Variants in SEC23IP observed in about 807,000 individuals in gnomAD.
The protein encoded by SEC23IP is SEC23-interacting protein.
SEC23IP carries 70 observed loss-of-function variants against 113.4 expected under a neutral mutation model. The observed-to-expected ratio is 0.62, with a 90% CI of 0.51 to 0.75. The LOEUF (loss-of-function observed/expected upper bound fraction) is 0.75, where lower values mean the gene tolerates loss of function less well. Ranked by LOEUF, SEC23IP falls within the 30% of genes least tolerant of loss-of-function variation. The probability of loss-of-function intolerance (pLI) is 0.00; values close to 1 mark genes in which losing one functional copy is unlikely to be tolerated. For missense variants in SEC23IP, 1,160 were observed against 1,204.9 expected, an observed-to-expected ratio of 0.96 and a Z score of 0.55; for synonymous variants, 398 against 421.0, an observed-to-expected ratio of 0.95 and a Z score of 0.67.
At chr10:119,924,426 CT>C (rs35657557) in intron 12 of SEC23IP, among the ~76,000 whole-genome samples, 204 of 146,310 alleles carry the variant, frequency 1.4e-3, no homozygotes, top group African/African-American at 2.3e-3. Context: ...GAGATAACAC[CT>C]TTTTTTTTTT....
At chr10:119,901,048 G>C (rs533719617) in intron 2 of SEC23IP, among the ~76,000 whole-genome samples, 2 of 144,490 alleles carry the variant, frequency 1.4e-5, no homozygotes, top group African/African-American at 5.1e-5. Flanking sequence ...AAAGAGTGGG[G>C]GGGGGGTCTT....
intron 4 of SEC23IP, 112 bp downstream of exon 4, chr10:119,904,389 T>G (rs1397979096): frequency 5.7e-6 from 5 of 880,158 alleles, no homozygotes; most frequent in Non-Finnish European, 9.1e-6. Context: ...ACAGCTTGTT[T>G]TGATGCTGTT....
chr10:119,922,810 A>G (rs1459144713), intron 12 of SEC23IP, among the ~76,000 whole-genome samples: 1 of 152,162 alleles, frequency 6.6e-6, no homozygotes, highest in Non-Finnish European at 1.5e-5. Context: ...TCCAATTTAC[A>G]AAGAGCTTTT....
intron 15 of SEC23IP, among the ~76,000 whole-genome samples, chr10:119,930,670 G>A (rs546499202): frequency 3.3e-5 from 5 of 152,248 alleles, no homozygotes; most frequent in South Asian, 2.1e-4. Flanking sequence ...TGGTAATAAG[G>A]CAATAAGATG....
chr10:119,930,363 T>C lies in SEC23IP; in HGVS notation c.2504T>C (p.Ile835Thr). 6.2e-7 allele frequency: 1 copy of C among 1,610,262 alleles called. No individual in the cohort carries two copies. The highest frequency in any genetic ancestry group is 8.5e-7 in the Non-Finnish European group (1 of 1,176,992). The change falls in exon 15 of 19, where the codon ATT becomes ACT. Residue 835 changes from isoleucine to threonine, a missense_variant. Ile to Thr is a moderately conservative substitution (Grantham distance 89). Coordinates refer to ENST00000369075, the MANE Select transcript of SEC23IP (RefSeq NM_007190.4). ...GTGGCATATAGATTAGAACCTATGA[T>C]TGTTCCAGATTTGGACCTAAAAGCT... ...DPVAYRLEPM[I>T]VPDLDLKAVL...
intron 6 of SEC23IP, among the ~76,000 whole-genome samples, chr10:119,913,369 G>A (rs886231827): frequency 1.3e-5 from 2 of 152,172 alleles, no homozygotes; most frequent in Non-Finnish European, 2.9e-5. Context: ...TTCTGTAAAG[G>A]GCCAGATAGC....
chr10:119,914,583 T>C (rs1265479168), intron 6 of SEC23IP, 147 bp from the exon 7 acceptor site: 9 of 644,976 alleles, frequency 1.4e-5, no homozygotes. Flanking sequence ...TCTAATTTGA[T>C]AGGGGTAATG....
At chr10:119,929,946 A>T (rs1265278106) in intron 14 of SEC23IP, among the ~76,000 whole-genome samples, 184 bp downstream of exon 14, 1 of 152,136 alleles carries the variant, frequency 6.6e-6, no homozygotes, top group Non-Finnish European at 1.5e-5. Flanking sequence ...ACTGTGCCTG[A>T]CCTTTTACTT....
At chr10:119,899,633 C>T (rs7099055) in intron 2 of SEC23IP, among the ~76,000 whole-genome samples, 2,786 of 152,232 alleles carry the variant, frequency 0.018, 72 homozygotes, top group African/African-American at 0.062. Flanking sequence ...AGAATGGACT[C>T]TGTTTTATCA....
chr10:119,898,227 T>C, intron 1 of SEC23IP, 200 bp from the exon 2 acceptor site: 1 of 969,360 alleles, frequency 1.0e-6, no homozygotes, highest in Non-Finnish European at 1.4e-6. Context: ...TTATGTTTTC[T>C]TATTCATGTT....
At chr10:119,923,453 CT>C (rs5788371) in intron 12 of SEC23IP, among the ~76,000 whole-genome samples, 1 of 149,866 alleles carries the variant, frequency 6.7e-6, no homozygotes, top group Non-Finnish European at 1.5e-5. Flanking sequence ...TGACTGTGTG[CT>C]TTTTTTTTCT....
rs749904301 is a variant in SEC23IP at position 119,915,759 on chromosome 10, A to G, written c.1414A>G (p.Arg472Gly). The G allele has an allele frequency of 1.4e-5, 22 of 1,565,722 alleles. No homozygotes were observed. The highest frequency in any genetic ancestry group is 1.8e-5 in the Non-Finnish European group (21 of 1,157,428). The change falls in exon 8 of 19, where the codon AGG (arginine) becomes GGG (glycine). Residue 472 changes from arginine (R) to glycine (G), a missense_variant. Transcript: ENST00000369075. ...TTTTTCTTTTGAAGTGGATGATTTT[A>G]GGGTGGTTTCTCTCAAATTGCTGCG... ...RSIIECVDDF[R>G]VVSLKLLRTH...
intron 18 of SEC23IP, among the ~76,000 whole-genome samples, chr10:119,937,364 G>A (rs542254470): frequency 6.6e-6 from 1 of 151,812 alleles, no homozygotes; most frequent in Non-Finnish European, 1.5e-5. Flanking sequence ...GATGGCTCAC[G>A]CCTGTAATCC....
intron 2 of SEC23IP, among the ~76,000 whole-genome samples, chr10:119,901,629 C>T (rs1429686444): frequency 6.6e-6 from 1 of 152,172 alleles, no homozygotes; most frequent in Admixed American, 6.5e-5. Context: ...CAGTTGTACA[C>T]ACCAATTTCC....
At position 119,898,709 on chromosome 10, in the gene SEC23IP, T is replaced by C. The variant is rs201078544; in HGVS notation, c.446T>C (p.Leu149Pro). 9 of 1,614,132 alleles carry C rather than the reference T, an allele frequency of 5.6e-6. No homozygotes were observed. The South Asian group carries it at 8.8e-5, about 16-fold the overall frequency. ...KAQPGAPPSSLMGINSYLPSQ... is the reference protein window; with the variant it reads ...KAQPGAPPSSPMGINSYLPSQ... ...CAACCTGGTGCTCCACCTTCCTCAC[T>C]GATGGGAATAAATTCTTATCTGCCT... Residue 149 changes from leucine (L) to proline (P), a missense_variant, in exon 2 of 19, where the codon CTG (leucine) becomes CCG (proline). Coordinates refer to ENST00000369075, the MANE Select transcript of SEC23IP (RefSeq NM_007190.4).
intron 2 of SEC23IP, among the ~76,000 whole-genome samples, chr10:119,902,470 A>T (rs2134459347): frequency 6.6e-6 from 1 of 152,244 alleles, no homozygotes; most frequent in South Asian, 2.1e-4. Flanking sequence ...ATTTTTTTCT[A>T]AATTTTTTAA....
rs370472966 is a variant in SEC23IP, at chr10:119,904,098, G to C, written c.922G>C (p.Glu308Gln). ...EIYNSVQPDP[E>Q]SVVLGTDGGR... ...TTGTTCTCTAGTTCAGCCAGATCCG[G>C]AGAGCGTGGTTCTTGGCACGGATGG... is the stretch of plus-strand genomic sequence containing the variant. The change falls in exon 4 of 19, where the codon GAG becomes CAG. Residue 308 changes from glutamate (E) to glutamine (Q), a missense_variant. Coordinates refer to ENST00000369075, the MANE Select transcript of SEC23IP (RefSeq NM_007190.4). 1.9e-6 allele frequency: 3 copies of C among 1,614,022 alleles called. No homozygotes were observed. In the African/African-American group the frequency reaches 4.0e-5, roughly 22 times the overall value.
At chr10:119,920,078 T>C (rs1336417121) in intron 11 of SEC23IP, among the ~76,000 whole-genome samples, 1 of 152,102 alleles carries the variant, frequency 6.6e-6, no homozygotes, top group East Asian at 1.9e-4. Flanking sequence ...CTTACCAGTT[T>C]GAAAAAATAG....
chr10:119,920,886 A>C lies in SEC23IP; in HGVS notation c.2026-3A>C. ...TAATGTGCTTGTCTGTTTCCTTTTA[A>C]AGCTTATGTGTACAGTTGATGACCT... On this transcript the variant is annotated splice_region_variant and splice_polypyrimidine_tract_variant and intron_variant, in intron 11 of 18. Coordinates refer to ENST00000369075, the MANE Select transcript of SEC23IP (RefSeq NM_007190.4). 2 of 1,592,852 alleles carry C rather than the reference A, an allele frequency of 1.3e-6. No individual in the cohort carries two copies. The highest frequency in any genetic ancestry group is 1.7e-6 in the Non-Finnish European group (2 of 1,162,772).
Sources: allele counts gnomAD v4.1 joint callset (sites outside exome capture counted in the v4.1 genomes callset), GRCh38; gene constraint gnomAD v4.1.1; transcripts MANE v1.5; gene names NCBI Gene and HGNC (gene_info 2026-07-23, HGNC 2026-07-21).